Variants in TRPM3 observed in about 807,000 individuals in gnomAD.
TRPM3 encodes transient receptor potential cation channel subfamily M member 3, also known as long transient receptor potential channel 3.
Under a neutral mutation model 181.2 loss-of-function variants are expected in TRPM3, and 77 were observed. The observed-to-expected ratio is 0.42, with a 90% CI of 0.35 to 0.51. The LOEUF is 0.51. Ranked by LOEUF, TRPM3 falls within the 20% of genes least tolerant of loss-of-function variation. The probability of loss-of-function intolerance (pLI) is 0.01; values close to 1 mark genes in which losing one functional copy is unlikely to be tolerated. For missense variants in TRPM3, 1,759 were observed against 2,196.7 expected, an observed-to-expected ratio of 0.80 and a Z score of 3.98; for synonymous variants, 745 against 796.4, an observed-to-expected ratio of 0.94 and a Z score of 1.09.
intron 7 of TRPM3, chr9:70,776,373 C>A: frequency 4.4e-6 from 3 of 680,266 alleles, no homozygotes; most frequent in South Asian, 3.3e-5. Context: ...TGGAACCCTG[C>A]CTCTCAGCTG....
chr9:71,351,693 A>C (rs1001688698), intron 1 of TRPM3, among the ~76,000 whole-genome samples: 3 of 152,176 alleles, frequency 2.0e-5, no homozygotes, highest in Non-Finnish European at 2.9e-5. Context: ...GATTTACATA[A>C]CATTTTAAAA....
At chr9:70,832,774 C>T (rs112786355) in intron 5 of TRPM3, among the ~76,000 whole-genome samples, 1 of 152,124 alleles carries the variant, frequency 6.6e-6, no homozygotes, top group Non-Finnish European at 1.5e-5. Flanking sequence ...TATTTTCAAG[C>T]ATTTTTGGTC....
At chr9:71,199,711 G>A (rs1378697098) in intron 1 of TRPM3, among the ~76,000 whole-genome samples, 2 of 148,786 alleles carry the variant, frequency 1.3e-5, no homozygotes, top group East Asian at 2.0e-4. Context: ...TGTGGGATCG[G>A]TGGTGATATC....
chr9:70,781,936 C>A (rs2082546818), intron 7 of TRPM3, among the ~76,000 whole-genome samples: 1 of 151,680 alleles, frequency 6.6e-6, no homozygotes, highest in African/African-American at 2.4e-5. Flanking sequence ...GTGTATACAC[C>A]TGAGAAACCT....
intron 1 of TRPM3, among the ~76,000 whole-genome samples, chr9:71,270,908 G>C (rs529523536): frequency 6.6e-6 from 1 of 152,314 alleles, no homozygotes; most frequent in South Asian, 2.1e-4. Context: ...GTGGGAAAGA[G>C]CTGAGGCTTC....
At chr9:70,594,211 A>T (rs929995275) in intron 21 of TRPM3, among the ~76,000 whole-genome samples, 1 of 151,998 alleles carries the variant, frequency 6.6e-6, no homozygotes, top group South Asian at 2.1e-4. Context: ...TAAAATAGGA[A>T]TAATAATACA....
At chr9:71,014,941 C>G (rs1202083922) in intron 1 of TRPM3, among the ~76,000 whole-genome samples, 1 of 152,062 alleles carries the variant, frequency 6.6e-6, no homozygotes, top group Non-Finnish European at 1.5e-5. Context: ...AATCAGCTTT[C>G]TCTTTTCTTT....
At chr9:71,281,564 C>T (rs2084709053) in intron 1 of TRPM3, among the ~76,000 whole-genome samples, 1 of 152,164 alleles carries the variant, frequency 6.6e-6, no homozygotes, top group African/African-American at 2.4e-5. Context: ...AGAGCCACGT[C>T]TGTCTTTCTG....
intron 1 of TRPM3, among the ~76,000 whole-genome samples, chr9:71,100,883 AAC>A (rs1198275569): frequency 1.6e-4 from 24 of 152,310 alleles, no homozygotes; most frequent in African/African-American, 5.5e-4. Context: ...TTAGAGTCGT[AAC>A]ACAAATGCAC....
chr9:71,257,950 C>T (rs934304190), intron 1 of TRPM3, among the ~76,000 whole-genome samples: 8 of 152,092 alleles, frequency 5.3e-5, no homozygotes, highest in African/African-American at 1.2e-4. Context: ...TTGGTCATTA[C>T]GTGTTAAATT....
chr9:70,785,505 T>A (rs979279972), intron 6 of TRPM3, among the ~76,000 whole-genome samples: 1 of 152,180 alleles, frequency 6.6e-6, no homozygotes, highest in Non-Finnish European at 1.5e-5. Flanking sequence ...ACAGCAGTTA[T>A]CTTAAAAAAG....
At chr9:71,171,616 C>T (rs2076862336) in intron 1 of TRPM3, among the ~76,000 whole-genome samples, 1 of 152,088 alleles carries the variant, frequency 6.6e-6, no homozygotes, top group Admixed American at 6.6e-5. Flanking sequence ...CTCTAAAATA[C>T]CTACAATGTG....
intron 1 of TRPM3, among the ~76,000 whole-genome samples, chr9:70,927,663 G>A (rs946191976): frequency 5.3e-5 from 8 of 152,014 alleles, no homozygotes; most frequent in African/African-American, 1.2e-4. Flanking sequence ...TTTCTCTTAG[G>A]CCTGCGCACA....
intron 21 of TRPM3, among the ~76,000 whole-genome samples, chr9:70,595,219 T>C (rs1319688553): frequency 6.6e-6 from 1 of 152,234 alleles, no homozygotes; most frequent in South Asian, 2.1e-4. Flanking sequence ...CTACCCAGGC[T>C]TTAAAGGGTA....
chr9:71,326,636 A>C (rs537800638), intron 1 of TRPM3, among the ~76,000 whole-genome samples: 56 of 152,314 alleles, frequency 3.7e-4, no homozygotes, highest in African/African-American at 1.3e-3. Flanking sequence ...ATCATGCAAT[A>C]TTCACCCGCA....
chr9:71,346,839 G>A (rs1332091341), intron 1 of TRPM3, among the ~76,000 whole-genome samples: 1 of 152,200 alleles, frequency 6.6e-6, no homozygotes, highest in African/African-American at 2.4e-5. Context: ...CTCATTGATT[G>A]GGATGGGGAG....
chr9:71,412,295 A>G (rs1308761256), intron 1 of TRPM3, among the ~76,000 whole-genome samples: 1 of 152,226 alleles, frequency 6.6e-6, no homozygotes, highest in African/African-American at 2.4e-5. Flanking sequence ...AGAAACTACC[A>G]TCAGAATGAA....
At chr9:70,548,014 A>T (rs2045482447) in intron 25 of TRPM3, among the ~76,000 whole-genome samples, 1 of 152,176 alleles carries the variant, frequency 6.6e-6, no homozygotes, top group Non-Finnish European at 1.5e-5. Context: ...CTTGCATCTT[A>T]ACACTCTTTT....
chr9:70,775,045 G>A (rs556452126), intron 7 of TRPM3: 1 of 152,266 alleles, frequency 6.6e-6, no homozygotes, highest in African/African-American at 2.4e-5. Context: ...ATTGCATGAG[G>A]AATCTGGAGA....
Sources: allele counts gnomAD v4.1 joint callset (sites outside exome capture counted in the v4.1 genomes callset), GRCh38; gene constraint gnomAD v4.1.1; transcripts MANE v1.5; gene names NCBI Gene and HGNC (gene_info 2026-07-23, HGNC 2026-07-21).